The following PARD3 variants were observed in gnomAD, a reference collection of about 807,000 sequenced individuals.
The protein encoded by PARD3 is par-3 family cell polarity regulator, also known as partitioning defective 3 homolog.
Under a neutral mutation model 155.4 loss-of-function variants are expected in PARD3, and 75 were observed. The observed-to-expected ratio is 0.48, with a 90% CI of 0.40 to 0.58. The LOEUF is 0.58. PARD3 is among the 20% of genes least tolerant of loss of function. The probability of loss-of-function intolerance (pLI) is 0.00; values close to 1 mark genes in which losing one functional copy is unlikely to be tolerated. For missense variants in PARD3, 1,642 were observed against 1,721.7 expected (o/e 0.95, Z 0.82); for synonymous variants, 576 against 610.5 (o/e 0.94, Z 0.83).
chr10:34,188,760 C>T (rs2786553), intron 22 of PARD3, among the ~76,000 whole-genome samples: 35,031 of 149,656 alleles, frequency 0.23, 4,188 homozygotes, highest in Middle Eastern at 0.35. Flanking sequence ...TTTTTTTTTT[C>T]CAGCAATGAT....
At chr10:34,288,622 CAATCAA>C (rs1956519657) in intron 20 of PARD3, among the ~76,000 whole-genome samples, 1 of 152,274 alleles carries the variant, frequency 6.6e-6, no homozygotes, top group African/African-American at 2.4e-5. Flanking sequence ...CTGAAATTGG[CAATCAA>C]CCTATGAAGA....
intron 4 of PARD3, among the ~76,000 whole-genome samples, chr10:34,452,937 T>C (rs924307575): frequency 6.6e-6 from 1 of 152,218 alleles, no homozygotes. Flanking sequence ...ATTTTGGTCC[T>C]CGGCCATAAA....
chr10:34,684,401 T>C (rs71487375), intron 2 of PARD3, among the ~76,000 whole-genome samples: 1 of 152,144 alleles, frequency 6.6e-6, no homozygotes, highest in South Asian at 2.1e-4. Flanking sequence ...TTATCTACGG[T>C]TAGTCCCAAA....
intron 21 of PARD3, among the ~76,000 whole-genome samples, chr10:34,281,456 C>A (rs1209059421): frequency 6.6e-6 from 1 of 152,132 alleles, no homozygotes; most frequent in Non-Finnish European, 1.5e-5. Flanking sequence ...CTCATGGAGG[C>A]TCTAGTCTGA....
chr10:34,261,405 G>A (rs1954950402), intron 22 of PARD3, among the ~76,000 whole-genome samples: 1 of 151,998 alleles, frequency 6.6e-6, no homozygotes, highest in Non-Finnish European at 1.5e-5. Flanking sequence ...ACACTGAACA[G>A]GGGCTGGGCA....
chr10:34,596,496 T>C (rs1205979848), intron 2 of PARD3, among the ~76,000 whole-genome samples: 1 of 152,116 alleles, frequency 6.6e-6, no homozygotes, highest in Non-Finnish European at 1.5e-5. Flanking sequence ...AGAGAATTAG[T>C]GCAGAGCAAA....
intron 4 of PARD3, among the ~76,000 whole-genome samples, chr10:34,468,553 GTC>G (rs2078152265): frequency 6.6e-6 from 1 of 152,114 alleles, no homozygotes; most frequent in African/African-American, 2.4e-5. Context: ...TCTTTGGATA[GTC>G]TACTGCAAGA....
chr10:34,482,032 C>CTTTTTTTTTTTTTTTTTTT (rs58877037), intron 3 of PARD3, among the ~76,000 whole-genome samples: 1 of 101,578 alleles, frequency 9.8e-6, no homozygotes, highest in African/African-American at 4.9e-5. Flanking sequence ...TAATTTTTAT[C>CTTTTTTTTTTTTTTTTTTT]TTTTTTTTTT....
chr10:34,306,828 A>G (rs1036785809), intron 20 of PARD3, among the ~76,000 whole-genome samples: 1 of 152,190 alleles, frequency 6.6e-6, no homozygotes, highest in South Asian at 2.1e-4. Flanking sequence ...GACTTGTCAT[A>G]AATTGCAAAA....
chr10:34,597,493 A>G (rs946324295), intron 2 of PARD3, among the ~76,000 whole-genome samples: 2 of 152,038 alleles, frequency 1.3e-5, no homozygotes, highest in Non-Finnish European at 2.9e-5. Context: ...GAGTATCACA[A>G]TAACAGCTCG....
intron 14 of PARD3, 34 bp downstream of exon 14, chr10:34,359,113 A>AT (rs1237453376): frequency 1.3e-6 from 2 of 1,572,590 alleles, no homozygotes; most frequent in African/African-American, 2.7e-5. Flanking sequence ...TTTATTTACA[A>AT]TTTTAGATAC....
At chr10:34,197,304 A>G (rs963789160) in intron 22 of PARD3, among the ~76,000 whole-genome samples, 2 of 152,248 alleles carry the variant, frequency 1.3e-5, no homozygotes, top group Admixed American at 6.5e-5. Context: ...TAACTACTCA[A>G]TCTGAGGGAA....
At chr10:34,610,100 T>C (rs929692275) in intron 2 of PARD3, among the ~76,000 whole-genome samples, 13 of 152,212 alleles carry the variant, frequency 8.5e-5, no homozygotes, top group African/African-American at 3.1e-4. Flanking sequence ...CATCCACATC[T>C]ACTCTAATCT....
intron 3 of PARD3, among the ~76,000 whole-genome samples, chr10:34,503,011 G>GTCCTTGTTTCTGCCTCCCATTCCCA (rs2080820091): frequency 1.3e-5 from 2 of 151,960 alleles, no homozygotes; most frequent in Non-Finnish European, 2.9e-5. Context: ...ATGCCTCAGT[G>GTCCTTGTTTCTGCCTCCCATTCCCA]TCCTTGTTTC....
chr10:34,279,733 G>A (rs1489722466), intron 21 of PARD3, among the ~76,000 whole-genome samples: 1 of 152,066 alleles, frequency 6.6e-6, no homozygotes, highest in East Asian at 1.9e-4. Context: ...ACATAAACTT[G>A]CAAAATGACA....
At chr10:34,513,784 T>A (rs1223324736) in intron 3 of PARD3, among the ~76,000 whole-genome samples, 7 of 152,222 alleles carry the variant, frequency 4.6e-5, no homozygotes, top group Admixed American at 2.6e-4. Flanking sequence ...GTGGCACTAC[T>A]GACATCTGGG....
chr10:34,427,375 C>T (rs566982397), intron 5 of PARD3, among the ~76,000 whole-genome samples: 240 of 152,298 alleles, frequency 1.6e-3, no homozygotes, highest in Middle Eastern at 3.4e-3. Context: ...CTTATGCAGA[C>T]GTAGGTAGGG....
intron 1 of PARD3, among the ~76,000 whole-genome samples, chr10:34,731,607 A>G (rs2094819012): frequency 6.6e-6 from 1 of 152,240 alleles, no homozygotes. Flanking sequence ...AAGGGATTGC[A>G]AAGACTCTAG....
rs1292483050 is a variant in PARD3 at position 34,681,750 on chromosome 10, ATATATATATATATATATATTTTTTTT to A, written c.222+14542_222+14567del. Among the ~76,000 whole-genome samples the A allele has an allele frequency of 1.7e-3, 28 of 16,454 alleles. No homozygotes were observed. In the East Asian group the frequency reaches 0.023, roughly 14 times the overall value. The allele number at this position is 16,454 out of a possible 152,430, so 10.8% of individuals were successfully genotyped here. A position where few individuals can be genotyped will look rare whatever the true frequency, so the allele number is the denominator to read the frequency against. ...GTATTTTATATATATATATATATAT[ATATATATATATATATATATTTTTTTT>A]TTTTTTTTTTTTTTTTTTTTTTTTA... On this transcript the variant is annotated intron_variant, in intron 2 of 24. Coordinates refer to ENST00000374788, the MANE Select transcript of PARD3 (RefSeq NM_001184785.2).
Sources: allele counts gnomAD v4.1 joint callset (sites outside exome capture counted in the v4.1 genomes callset), GRCh38; gene constraint gnomAD v4.1.1; transcripts MANE v1.5; gene names NCBI Gene and HGNC (gene_info 2026-07-23, HGNC 2026-07-21).